Variants in NCOA2 observed in about 807,000 individuals in gnomAD.
The protein encoded by NCOA2 is nuclear receptor coactivator 2.
NCOA2 carries 21 observed loss-of-function variants against 145.1 expected under a neutral mutation model. The observed-to-expected ratio is 0.14, with a 90% CI of 0.10 to 0.21. NCOA2 has a LOEUF of 0.21. NCOA2 is among the 10% of genes least tolerant of loss of function. The pLI, the probability that NCOA2 is intolerant of heterozygous loss-of-function variation, is 1.00. For synonymous variants in NCOA2, 619 were observed against 637.5 expected (o/e 0.97, Z 0.44); for missense variants, 1,472 against 1,837.6 (o/e 0.80, Z 3.64).
chr8:70,154,751 T>C (rs529126942), intron 11 of NCOA2, among the ~76,000 whole-genome samples: 2 of 152,334 alleles, frequency 1.3e-5, no homozygotes, highest in South Asian at 4.1e-4. Flanking sequence ...TTCCCTGTGA[T>C]GTCATTATCT....
chr8:70,352,494 A>C (rs867852833), intron 1 of NCOA2, among the ~76,000 whole-genome samples: 223 of 152,302 alleles, frequency 1.5e-3, no homozygotes, highest in African/African-American at 5.1e-3. Flanking sequence ...TCCTAATGCC[A>C]TTTTGTGTTA....
At chr8:70,296,614 GACAAATAT>G (rs1188182017) in intron 2 of NCOA2, 122 bp downstream of exon 2, 1 of 151,946 alleles carries the variant, frequency 6.6e-6, no homozygotes, top group Admixed American at 6.6e-5. Context: ...ATGAAATATA[GACAAATAT>G]ACAGTTTATT....
chr8:70,134,758 T>A (rs1809532846), intron 15 of NCOA2, among the ~76,000 whole-genome samples: 1 of 152,218 alleles, frequency 6.6e-6, no homozygotes. Flanking sequence ...CACTTTTTGT[T>A]ACATGCTTTT....
At chr8:70,381,758 C>CATTT (rs1812213673) in intron 1 of NCOA2, among the ~76,000 whole-genome samples, 1 of 152,190 alleles carries the variant, frequency 6.6e-6, no homozygotes, top group South Asian at 2.1e-4. Flanking sequence ...TTTTACTTGA[C>CATTT]ATTTCCCAAG....
chr8:70,378,637 C>T (rs1462447337), intron 1 of NCOA2, among the ~76,000 whole-genome samples: 1 of 150,622 alleles, frequency 6.6e-6, no homozygotes, highest in Non-Finnish European at 1.5e-5. Flanking sequence ...AAAACTGAAG[C>T]TCAATGTATT....
chr8:70,202,566 T>C (rs1390094683), intron 4 of NCOA2, among the ~76,000 whole-genome samples: 1 of 152,114 alleles, frequency 6.6e-6, no homozygotes, highest in African/African-American at 2.4e-5. Context: ...TTGAGGACAT[T>C]AAGCCATGTG....
At chr8:70,314,243 A>G (rs531903525) in intron 1 of NCOA2, among the ~76,000 whole-genome samples, 3 of 150,316 alleles carry the variant, frequency 2.0e-5, no homozygotes, top group South Asian at 2.1e-4. Flanking sequence ...TGAGTAAGTC[A>G]TATTTTAAAA....
chr8:70,263,342 A>G (rs1319689107), intron 2 of NCOA2, among the ~76,000 whole-genome samples: 1 of 151,538 alleles, frequency 6.6e-6, no homozygotes, highest in Non-Finnish European at 1.5e-5. Flanking sequence ...AAACTCATGG[A>G]TTATTTCTGG....
intron 1 of NCOA2, among the ~76,000 whole-genome samples, chr8:70,325,948 C>G (rs2136225298): frequency 6.6e-6 from 1 of 152,222 alleles, no homozygotes; most frequent in Non-Finnish European, 1.5e-5. Context: ...TGGGACACAC[C>G]TACCATTCTA....
the NCOA2 span, among the ~76,000 whole-genome samples, chr8:70,431,286 C>T: frequency 6.6e-6 from 1 of 152,090 alleles, no homozygotes; most frequent in Non-Finnish European, 1.5e-5. Context: ...GGAGGGTTCG[C>T]TTTTGCATTT....
chr8:70,202,929 A>G (rs1186496102), intron 4 of NCOA2, among the ~76,000 whole-genome samples: 4 of 152,184 alleles, frequency 2.6e-5, no homozygotes, highest in Admixed American at 2.6e-4. Flanking sequence ...GCGGTAGCTT[A>G]TGCCTATAAT....
At chr8:70,384,801 C>T (rs1812513246) in intron 1 of NCOA2, among the ~76,000 whole-genome samples, 1 of 152,158 alleles carries the variant, frequency 6.6e-6, no homozygotes, top group Non-Finnish European at 1.5e-5. Flanking sequence ...CATGAAACCA[C>T]AGGAATGTAA....
intron 5 of NCOA2, among the ~76,000 whole-genome samples, chr8:70,172,790 C>G (rs1356633665): frequency 6.6e-6 from 1 of 152,150 alleles, no homozygotes; most frequent in Non-Finnish European, 1.5e-5. Flanking sequence ...GCTTATACCA[C>G]AGTAAAAAGA....
intron 1 of NCOA2, among the ~76,000 whole-genome samples, chr8:70,389,582 C>A (rs368635800): frequency 6.7e-6 from 1 of 149,040 alleles, no homozygotes; most frequent in Non-Finnish European, 1.5e-5. Context: ...GCCTGGCCAA[C>A]GCCAACATTT....
At chr8:70,207,239 CA>C (rs1261526561) in intron 4 of NCOA2, among the ~76,000 whole-genome samples, 8 of 152,110 alleles carry the variant, frequency 5.3e-5, no homozygotes, top group African/African-American at 1.9e-4. Context: ...CATACAAGTA[CA>C]AGGTGATCAA....
upstream of NCOA2, among the ~76,000 whole-genome samples, chr8:70,404,048 G>A (rs1423792711): frequency 6.6e-6 from 1 of 152,206 alleles, no homozygotes; most frequent in African/African-American, 2.4e-5. Flanking sequence ...CGAGGAAGGG[G>A]CAAAGGTGGA....
chr8:70,116,598 G>A lies in NCOA2; in HGVS notation c.4384-2955C>T, dbSNP rs144832474. On this transcript the variant is annotated intron_variant, in intron 22 of 22. Coordinates refer to ENST00000452400, the MANE Select transcript of NCOA2 (RefSeq NM_006540.4). ...CTCCTTGATTCATAACAGCAGCAGA[G>A]CTTATTACGGAAACACGGGATGATG... is the stretch of plus-strand genomic sequence containing the variant. Among the ~76,000 whole-genome samples the A allele has an allele frequency of 1.4e-3, 217 of 152,236 alleles. 1 individual carries two copies. The highest frequency in any genetic ancestry group is 5.1e-3 in the African/African-American group (210 of 41,530).
intron 1 of NCOA2, among the ~76,000 whole-genome samples, chr8:70,351,880 G>C (rs1390672127): frequency 6.6e-6 from 1 of 151,366 alleles, no homozygotes; most frequent in East Asian, 1.9e-4. Flanking sequence ...ACCACACCCA[G>C]TGTGAGTTCA....
At chr8:70,159,236 A>ATGTATATATATATATATATATATATATG (rs1554578474) in intron 10 of NCOA2, among the ~76,000 whole-genome samples, 5 of 16,046 alleles carry the variant, frequency 3.1e-4, no homozygotes, top group African/African-American at 5.5e-4. Flanking sequence ...ATATATATAT[A>ATGTATATATATATATATATATATATATG]TATATATTTT....
Sources: allele counts gnomAD v4.1 joint callset (sites outside exome capture counted in the v4.1 genomes callset), GRCh38; gene constraint gnomAD v4.1.1; transcripts MANE v1.5; gene names NCBI Gene and HGNC (gene_info 2026-07-23, HGNC 2026-07-21).